COMMD1: variants seen among roughly 807,000 people sequenced by gnomAD.
The protein encoded by COMMD1 is COMM domain-containing protein 1.
COMMD1 carries 10 observed loss-of-function variants against 17.2 expected under a neutral mutation model. The ratio of observed to expected loss-of-function variants is 0.58; its 90% CI spans 0.36 to 0.99. COMMD1 has a LOEUF of 0.99. Ranked by LOEUF, COMMD1 falls within the 50% of genes least tolerant of loss-of-function variation. The probability of loss-of-function intolerance (pLI) is 0.01; values close to 1 mark genes in which losing one functional copy is unlikely to be tolerated. For missense variants in COMMD1, 270 were observed against 231.8 expected (o/e 1.17, Z -1.07); for synonymous variants, 97 against 91.6 (o/e 1.06, Z -0.34).
At chr2:62,063,868 A>ATATATATATATATATATATAT (rs1670947199) in intron 2 of COMMD1, among the ~76,000 whole-genome samples, 3 of 81,174 alleles carry the variant, frequency 3.7e-5, no homozygotes, top group African/African-American at 1.5e-4. Context: ...GTCTCTACAA[A>ATATATATATATATATATATAT]ATATATATAT....
At chr2:62,116,015 T>A (rs1180128870) in intron 2 of COMMD1, among the ~76,000 whole-genome samples, 1 of 151,820 alleles carries the variant, frequency 6.6e-6, no homozygotes, top group Non-Finnish European at 1.5e-5. Context: ...CCCAGCTAAT[T>A]TTTGTATTTT....
chr2:61,892,609 G>A (rs568477319), intron 1 of COMMD1, among the ~76,000 whole-genome samples: 14 of 151,490 alleles, frequency 9.2e-5, no homozygotes, highest in South Asian at 6.2e-4. Context: ...CAGGAGGATC[G>A]CTTGAACCTG....
At chr2:62,134,070 G>A (rs1183794627) in intron 2 of COMMD1, among the ~76,000 whole-genome samples, 2 of 152,118 alleles carry the variant, frequency 1.3e-5, no homozygotes, top group Admixed American at 1.3e-4. Flanking sequence ...CCAAAATGCT[G>A]GGGTTACAGG....
intron 2 of COMMD1, among the ~76,000 whole-genome samples, chr2:62,064,228 C>A (rs1670962731): frequency 6.6e-6 from 1 of 151,960 alleles, no homozygotes; most frequent in East Asian, 1.9e-4. Context: ...GGCTGTAGTG[C>A]AGTGGCGTGA....
At chr2:61,945,342 G>A (rs1430366752) in intron 1 of COMMD1, among the ~76,000 whole-genome samples, 2 of 152,172 alleles carry the variant, frequency 1.3e-5, no homozygotes, top group African/African-American at 4.8e-5. Flanking sequence ...TTCAGAAAAA[G>A]GAGTTGTACA....
intron 2 of COMMD1, among the ~76,000 whole-genome samples, chr2:62,121,544 C>T (rs1418294928): frequency 4.6e-5 from 7 of 151,566 alleles, no homozygotes; most frequent in African/African-American, 1.7e-4. Context: ...TCGAGACCAG[C>T]CTGGACAACA....
chr2:62,112,642 T>C (rs1292204767), intron 2 of COMMD1, among the ~76,000 whole-genome samples: 1 of 152,254 alleles, frequency 6.6e-6, no homozygotes, highest in Non-Finnish European at 1.5e-5. Context: ...TATGCCATCT[T>C]ATTTAGTCTT....
chr2:61,982,915 T>C (rs777641052), intron 1 of COMMD1, among the ~76,000 whole-genome samples: 1 of 152,164 alleles, frequency 6.6e-6, no homozygotes, highest in Non-Finnish European at 1.5e-5. Context: ...TTGAATTCGG[T>C]TTACTGGTAT....
chr2:61,993,877 A>G (rs1396900776), intron 1 of COMMD1, among the ~76,000 whole-genome samples: 3 of 152,214 alleles, frequency 2.0e-5, no homozygotes, highest in South Asian at 2.1e-4. Context: ...GAATGATACA[A>G]ATTACCTGAG....
intron 2 of COMMD1, chr2:62,100,058 C>T (rs1672133297): frequency 6.6e-6 from 1 of 151,990 alleles, no homozygotes; most frequent in African/African-American, 2.4e-5. Context: ...TTTGAATACA[C>T]CTCTGAAACC....
intron 2 of COMMD1, among the ~76,000 whole-genome samples, chr2:62,074,890 T>G (rs1013986044): frequency 6.7e-5 from 10 of 148,672 alleles, no homozygotes; most frequent in Admixed American, 6.0e-4. Context: ...GTGGTTTTTT[T>G]TTTTTTTTTT....
intron 2 of COMMD1, among the ~76,000 whole-genome samples, chr2:62,038,571 G>A (rs192860339): frequency 1.9e-4 from 29 of 150,962 alleles, no homozygotes; most frequent in Admixed American, 9.3e-4. Context: ...TTTTTGAGAC[G>A]GAGTCTTGCT....
intron 2 of COMMD1, among the ~76,000 whole-genome samples, chr2:62,034,424 G>T (rs1054144308): frequency 6.6e-6 from 1 of 152,118 alleles, no homozygotes; most frequent in Non-Finnish European, 1.5e-5. Flanking sequence ...AACCCGGGAG[G>T]CAGAGGTTGC....
chr2:62,016,472 G>T (rs1669452169), intron 2 of COMMD1, among the ~76,000 whole-genome samples: 1 of 149,996 alleles, frequency 6.7e-6, no homozygotes, highest in African/African-American at 2.4e-5. Context: ...GCCTTGCAAA[G>T]TGCTGGGATT....
rs1458459902 is a variant in COMMD1 at position 61,890,144 on chromosome 2, T to C, written n.119+1302T>C. Among the ~76,000 whole-genome samples the C allele has an allele frequency of 3.9e-5, 6 of 152,204 alleles. No individual in the cohort carries two copies. The East Asian group carries it at 1.2e-3, about 29-fold the overall frequency. ...AAGCACCTGCAAAGTGACAGTTGCG[T>C]GTGGTAGGTTCAGAAACAAATGTTC... On this transcript the variant is annotated intron_variant and non_coding_transcript_variant, in intron 1 of 2. Coordinates refer to the COMMD1 transcript ENST00000472729.
chr2:62,032,018 G>A (rs554637074), intron 2 of COMMD1, among the ~76,000 whole-genome samples: 20 of 152,260 alleles, frequency 1.3e-4, no homozygotes, highest in Non-Finnish European at 2.6e-4. Flanking sequence ...ACTTTAGTAT[G>A]TATAACACAA....
intron 1 of COMMD1, among the ~76,000 whole-genome samples, chr2:61,967,811 T>C (rs908187182): frequency 2.0e-5 from 3 of 152,224 alleles, no homozygotes; most frequent in African/African-American, 7.2e-5. Context: ...TGAATGTCAA[T>C]TGAGAACTGG....
At chr2:61,947,260 C>G (rs1380315482) in intron 1 of COMMD1, among the ~76,000 whole-genome samples, 6 of 152,022 alleles carry the variant, frequency 3.9e-5, no homozygotes, top group African/African-American at 1.2e-4. Flanking sequence ...TTAGAACAAT[C>G]TATATATTTA....
chr2:61,992,370 G>T (rs1672272844), intron 1 of COMMD1, among the ~76,000 whole-genome samples: 1 of 152,076 alleles, frequency 6.6e-6, no homozygotes, highest in Non-Finnish European at 1.5e-5. Flanking sequence ...TAATTTTTAG[G>T]CTGAAGTAAT....
Sources: allele counts gnomAD v4.1 joint callset (sites outside exome capture counted in the v4.1 genomes callset), GRCh38; gene constraint gnomAD v4.1.1; transcripts MANE v1.5; gene names NCBI Gene and HGNC (gene_info 2026-07-23, HGNC 2026-07-21).